CNTN6: variants seen among roughly 807,000 people sequenced by gnomAD.
CNTN6 encodes the protein contactin-6.
Under a neutral mutation model 122.8 loss-of-function variants are expected in CNTN6, and 137 were observed. That is an observed-to-expected ratio of 1.12 (90% confidence interval 0.97 to 1.29). The LOEUF is 1.29. Ranked by LOEUF, CNTN6 falls within the 50% of genes most tolerant of loss-of-function variation. CNTN6 has a pLI of 0.00. For synonymous variants in CNTN6, 570 were observed against 426.0 expected, an observed-to-expected ratio of 1.34 and a Z score of -4.16; for missense variants, 1,634 against 1,223.4, an observed-to-expected ratio of 1.34 and a Z score of -5.01.
At chr3:1,137,355 G>C (rs1272583107) in intron 1 of CNTN6, among the ~76,000 whole-genome samples, 1 of 152,190 alleles carries the variant, frequency 6.6e-6, no homozygotes, top group South Asian at 2.1e-4. Context: ...CAAATTTTCA[G>C]ATAATTAATG....
rs575689014 is a variant in CNTN6 at position 1,172,007 on chromosome 3, C to T, written c.55+23944C>T. Among the ~76,000 whole-genome samples the T allele has an allele frequency of 2.6e-5, 4 of 152,314 alleles. No homozygotes were observed. In the South Asian group the frequency reaches 8.3e-4, roughly 32 times the overall value. On this transcript the variant is annotated intron_variant, in intron 2 of 22. Transcript: ENST00000446702. ...AGCCTTCAATTTCACACCATCCAAACCCATTGAAGCTCTTGAGTCCCTTGA... is the reference window on the plus strand; with the variant it reads ...AGCCTTCAATTTCACACCATCCAAATCCATTGAAGCTCTTGAGTCCCTTGA...
rs9829090 is a variant in CNTN6 at position 1,392,348 on chromosome 3, C to G, written c.2704+6551C>G. On this transcript the variant is annotated intron_variant, in intron 20 of 22. Transcript: ENST00000446702. ...TAAATGGTGCTGGGAAAACTGGCTA[C>G]CCATATGTAGAAAGCTGAAACTGGA... 4.6e-3 allele frequency among the ~76,000 whole-genome samples: 695 copies of G among 150,652 alleles called. 1 individual carries two copies. Among genetic ancestry groups the G allele is most frequent in the African/African-American group, 0.016 (649 of 40,376 alleles).
intron 16 of CNTN6, 121 bp downstream of exon 16, chr3:1,374,194 A>T: frequency 1.1e-6 from 1 of 931,112 alleles, no homozygotes; most frequent in African/African-American, 1.7e-5. Context: ...GCAGTAAACG[A>T]GTGGCTCTCA....
intron 6 of CNTN6, among the ~76,000 whole-genome samples, chr3:1,297,630 G>GTTTTTTTTT (rs1410740351): frequency 7.8e-6 from 1 of 128,348 alleles, no homozygotes. Context: ...CGTTGTTGTT[G>GTTTTTTTTT]TTTTTTTCTT....
At chr3:1,227,683 G>A (rs537319512) in intron 3 of CNTN6, 135 bp from the exon 4 acceptor site, 1 of 884,450 alleles carries the variant, frequency 1.1e-6, no homozygotes, top group East Asian at 2.6e-5. Context: ...TGGTAAAACT[G>A]GTAGGATTAC....
At chr3:1,094,490 G>A (rs1029562569) in intron 1 of CNTN6, among the ~76,000 whole-genome samples, 9 of 152,054 alleles carry the variant, frequency 5.9e-5, no homozygotes, top group African/African-American at 2.2e-4. Context: ...AAAGCTTTAT[G>A]TGAGGTTATA....
intron 9 of CNTN6, among the ~76,000 whole-genome samples, chr3:1,326,423 G>C (rs1464251577): frequency 3.3e-5 from 5 of 151,852 alleles, no homozygotes; most frequent in African/African-American, 7.2e-5. Flanking sequence ...ACAGCAGCTA[G>C]TAAATGTTAG....
At chr3:1,323,725 G>C (rs559592550) in intron 8 of CNTN6, among the ~76,000 whole-genome samples, 1 of 151,818 alleles carries the variant, frequency 6.6e-6, no homozygotes, top group South Asian at 2.1e-4. Context: ...GGAGTTAAGT[G>C]GCTTTTCATA....
chr3:1,342,674 G>A (rs1237308598), intron 11 of CNTN6, among the ~76,000 whole-genome samples: 1 of 152,008 alleles, frequency 6.6e-6, no homozygotes, highest in African/African-American at 2.4e-5. Context: ...ATCTTATTGC[G>A]ACAATTCTGT....
chr3:1,244,109 G>T (rs1319298185), intron 4 of CNTN6, among the ~76,000 whole-genome samples: 1 of 152,162 alleles, frequency 6.6e-6, no homozygotes, highest in Non-Finnish European at 1.5e-5. Flanking sequence ...TAGAGCCATT[G>T]TCAAGTTTGT....
At chr3:1,130,552 C>T (rs1484961054) in intron 1 of CNTN6, among the ~76,000 whole-genome samples, 1 of 152,090 alleles carries the variant, frequency 6.6e-6, no homozygotes, top group Admixed American at 6.6e-5. Context: ...CAGTGGTCCC[C>T]AGAGGAACTG....
chr3:1,293,361 A>G (rs1388007013), intron 5 of CNTN6, among the ~76,000 whole-genome samples: 1 of 151,334 alleles, frequency 6.6e-6, no homozygotes, highest in African/African-American at 2.4e-5. Context: ...AAATGACAAT[A>G]TTCCCTCATT....
At chr3:1,111,658 A>T (rs116184595) in intron 1 of CNTN6, among the ~76,000 whole-genome samples, 1 of 152,188 alleles carries the variant, frequency 6.6e-6, no homozygotes, top group Non-Finnish European at 1.5e-5. Flanking sequence ...ACATCTGTCA[A>T]TTACTGAGTG....
chr3:1,374,052 T>A lies in CNTN6; in HGVS notation c.2074T>A (p.Leu692Met), dbSNP rs374658977. 6.2e-7 allele frequency: 1 copy of A among 1,612,772 alleles called. No homozygotes were observed. Among genetic ancestry groups the A allele is most frequent in the African/African-American group, 1.3e-5 (1 of 74,976 alleles). The part of the protein sequence containing the change: ...GIGEPSEPSE[L>M]LRTKASVPVV... ...TGGAGAACCAAGTGAACCATCAGAA[T>A]TGTTAAGAACTAAAGCATCAGGTAA... Residue 692 changes from leucine to methionine, a missense_variant, in exon 16 of 23, where the codon TTG (leucine) becomes ATG (methionine). Coordinates refer to ENST00000446702, the MANE Select transcript of CNTN6 (RefSeq NM_001289080.2).
intron 4 of CNTN6, among the ~76,000 whole-genome samples, chr3:1,248,042 G>T (rs17080969): frequency 0.029 from 4,344 of 151,984 alleles, 118 homozygotes; most frequent in Admixed American, 0.053. Context: ...TTGGTATGTT[G>T]GGTGGCTCTT....
At chr3:1,384,740 CATAT>C (rs367867737) in intron 19 of CNTN6, among the ~76,000 whole-genome samples, 1 of 106,026 alleles carries the variant, frequency 9.4e-6, no homozygotes, top group Non-Finnish European at 1.9e-5. Flanking sequence ...CATATATATA[CATAT>C]ATACACATAT....
chr3:1,189,133 G>A (rs1009447627), intron 2 of CNTN6, among the ~76,000 whole-genome samples: 3 of 152,186 alleles, frequency 2.0e-5, no homozygotes, highest in African/African-American at 7.2e-5. Flanking sequence ...AATTGATACA[G>A]TAGGCCAGAA....
Position 1,301,456 on chromosome 3 carries a change from C to T in CNTN6, c.761+3465C>T, listed in dbSNP as rs1697400542. ...TGATGTGTATGTACAAAAGAAACCC[C>T]CTGATAAATAAATCATGTTGGTTAA... On this transcript the variant is annotated intron_variant, in intron 7 of 22. Coordinates refer to ENST00000446702, the MANE Select transcript of CNTN6 (RefSeq NM_001289080.2). 2.0e-5 allele frequency among the ~76,000 whole-genome samples: 3 copies of T among 152,150 alleles called. 1 individual carries two copies. The South Asian group carries it at 6.2e-4, about 32-fold the overall frequency.
chr3:1,376,337 T>C (rs1416474579), intron 16 of CNTN6, among the ~76,000 whole-genome samples: 2 of 152,184 alleles, frequency 1.3e-5, no homozygotes, highest in Middle Eastern at 3.4e-3. Context: ...TTTTTAAAAC[T>C]CATCAAAATT....
Sources: allele counts gnomAD v4.1 joint callset (sites outside exome capture counted in the v4.1 genomes callset), GRCh38; gene constraint gnomAD v4.1.1; transcripts MANE v1.5; gene names NCBI Gene and HGNC (gene_info 2026-07-23, HGNC 2026-07-21).